Variants in CLIP4 observed in about 807,000 individuals in gnomAD.
The protein encoded by CLIP4 is CAP-Gly domain containing linker protein family member 4, also known as CAP-Gly domain-containing linker protein 4.
In CLIP4, 47 loss-of-function variants were observed where a neutral mutation model predicts 73.1. The ratio of observed to expected loss-of-function variants is 0.64; its 90% CI spans 0.51 to 0.82. CLIP4 has a LOEUF of 0.82. Among genes scored for constraint, CLIP4 ranks in the 40% least tolerant of loss-of-function variants. CLIP4 has a pLI of 0.00. For synonymous variants in CLIP4, 306 were observed against 295.4 expected, an observed-to-expected ratio of 1.04 and a Z score of -0.37; for missense variants, 874 against 852.9, an observed-to-expected ratio of 1.02 and a Z score of -0.31.
At chr2:29,178,571 T>C (rs1394518978) in intron 15 of CLIP4, among the ~76,000 whole-genome samples, 1 of 152,200 alleles carries the variant, frequency 6.6e-6, no homozygotes, top group Non-Finnish European at 1.5e-5. Context: ...CATATTCCCA[T>C]ATTGTTTAAT....
intron 15 of CLIP4, among the ~76,000 whole-genome samples, chr2:29,174,906 G>C (rs143538925): frequency 9.2e-5 from 14 of 152,136 alleles, no homozygotes; most frequent in African/African-American, 3.4e-4. Context: ...TTGTTGCAGA[G>C]AGAATGCCCT....
At chr2:29,175,950 A>T (rs1169854843) in intron 15 of CLIP4, among the ~76,000 whole-genome samples, 1 of 152,046 alleles carries the variant, frequency 6.6e-6, no homozygotes, top group Non-Finnish European at 1.5e-5. Context: ...TTTAGTAGAG[A>T]CGGGATTTCA....
intron 5 of CLIP4, among the ~76,000 whole-genome samples, chr2:29,135,105 T>C (rs1318552963): frequency 6.6e-6 from 1 of 152,130 alleles, no homozygotes; most frequent in African/African-American, 2.4e-5. Flanking sequence ...TGTGCCTGTG[T>C]TCTAATAAAA....
At chr2:29,132,806 A>G (rs1665071465) in intron 4 of CLIP4, among the ~76,000 whole-genome samples, 1 of 152,194 alleles carries the variant, frequency 6.6e-6, no homozygotes, top group Non-Finnish European at 1.5e-5. Flanking sequence ...CTCATCATGA[A>G]CTGATACTTT....
At chr2:29,100,377 TAAG>T (rs1173872978) in intron 1 of CLIP4, among the ~76,000 whole-genome samples, 1 of 152,210 alleles carries the variant, frequency 6.6e-6, no homozygotes, top group Non-Finnish European at 1.5e-5. Flanking sequence ...ACTTTATTTT[TAAG>T]TTTATAGAAA....
At chr2:29,125,741 G>A (rs2148473315) in intron 2 of CLIP4, among the ~76,000 whole-genome samples, 1 of 152,202 alleles carries the variant, frequency 6.6e-6, no homozygotes, top group East Asian at 1.9e-4. Flanking sequence ...AACATCCCGT[G>A]TCTTGAAAAC....
chr2:29,153,508 C>G (rs1336452183), intron 9 of CLIP4, among the ~76,000 whole-genome samples: 3 of 150,620 alleles, frequency 2.0e-5, no homozygotes, highest in Non-Finnish European at 4.4e-5. Flanking sequence ...CTTTTTTTAT[C>G]CATACCACCC....
intron 1 of CLIP4, among the ~76,000 whole-genome samples, chr2:29,099,373 T>C (rs1667972921): frequency 6.6e-6 from 1 of 151,232 alleles, no homozygotes; most frequent in African/African-American, 2.4e-5. Context: ...TTTGAGTTAA[T>C]TTTTGTAAAA....
chr2:29,165,124 G>A (rs3112921), intron 13 of CLIP4, among the ~76,000 whole-genome samples: 138,837 of 152,230 alleles, frequency 0.91, 63,423 homozygotes, highest in East Asian at 1. Flanking sequence ...ATGAAGAAAC[G>A]GGTTTCAAAG....
intron 1 of CLIP4, among the ~76,000 whole-genome samples, chr2:29,102,973 CT>C (rs1668094686): frequency 6.6e-6 from 1 of 152,110 alleles, no homozygotes; most frequent in South Asian, 2.1e-4. Context: ...CTCCCTAAAA[CT>C]CCCCCATATA....
rs1199625344 is a variant in CLIP4, at chr2:29,156,392, A to G, written c.1204A>G (p.Thr402Ala). 2 of 1,589,318 alleles carry G rather than the reference A, an allele frequency of 1.3e-6. No individual in the cohort carries two copies. The highest frequency in any genetic ancestry group is 1.7e-6 in the Non-Finnish European group (2 of 1,174,210). The change falls in exon 10 of 16, where the codon ACA (threonine) becomes GCA (alanine). Residue 402 changes from threonine (T) to alanine (A), a missense_variant. By Grantham distance (58) the Thr-to-Ala change is moderately conservative. Coordinates refer to ENST00000320081, the MANE Select transcript of CLIP4 (RefSeq NM_024692.6). The stretch of plus-strand genomic sequence containing the variant: ...AAAAAAAGATAGTGCTTCTGAGTCA[A>G]CACTTTCATTGCCTCCTGGTGAAGA... ...TSKKDSASES[T>A]LSLPPGEELK...
At chr2:29,116,866 G>A (rs1663890800) in intron 1 of CLIP4, among the ~76,000 whole-genome samples, 1 of 152,160 alleles carries the variant, frequency 6.6e-6, no homozygotes. Flanking sequence ...ACCACATACA[G>A]TCCCACCAGC....
chr2:29,120,775 C>T (rs1299967589), intron 1 of CLIP4, among the ~76,000 whole-genome samples: 15 of 152,072 alleles, frequency 9.9e-5, no homozygotes, highest in Admixed American at 9.8e-4. Flanking sequence ...GTAATATAAG[C>T]CATGTGCTTT....
At chr2:29,145,122 T>G in intron 7 of CLIP4, 110 bp from the exon 8 acceptor site, 1 of 860,978 alleles carries the variant, frequency 1.2e-6, no homozygotes, top group Non-Finnish European at 1.7e-6. Context: ...AAAATTCACT[T>G]TGAGAGAGTG....
intron 1 of CLIP4, chr2:29,118,259 C>T (rs1664006933): frequency 6.6e-6 from 1 of 152,320 alleles, no homozygotes; most frequent in African/African-American, 2.4e-5. Context: ...TTTATGGGGT[C>T]CAGACAGTCC....
chr2:29,156,500 A>G (rs1666933331), intron 10 of CLIP4, 57 bp downstream of exon 10: 9 of 1,248,098 alleles, frequency 7.2e-6, no homozygotes, highest in Non-Finnish European at 1.0e-5. Context: ...GAACTTTAAA[A>G]TATGGTAGGA....
chr2:29,105,558 C>A (rs1668176053), intron 1 of CLIP4, among the ~76,000 whole-genome samples: 1 of 152,196 alleles, frequency 6.6e-6, no homozygotes, highest in Non-Finnish European at 1.5e-5. Flanking sequence ...ACATTCAAGG[C>A]CATTCCTGGC....
chr2:29,131,213 T>G, intron 2 of CLIP4, 45 bp from the exon 3 acceptor site: 2 of 1,413,138 alleles, frequency 1.4e-6, no homozygotes, highest in South Asian at 2.6e-5. Context: ...AATATATTTA[T>G]TTGAAACTTT....
Position 29,160,405 on chromosome 2 carries a change from T to A in CLIP4, c.1472T>A (p.Val491Glu). The A allele has an allele frequency of 6.2e-7, 1 of 1,613,518 alleles. No individual in the cohort carries two copies. The highest frequency in any genetic ancestry group is 8.5e-7 in the Non-Finnish European group (1 of 1,179,892). ...GGGGAACTCCGCCTCGGAGAGAGAG[T>A]GTTAGTGGTAGGACAGAGACTGGGC... Reference protein sequence around the residue: ...CEGELRLGERVLVVGQRLGTI... With the variant: ...CEGELRLGERELVVGQRLGTI... Residue 491 changes from valine (V) to glutamate (E), a missense_variant, in exon 12 of 16, where the codon GTG becomes GAG. Transcript: ENST00000320081.
Sources: allele counts gnomAD v4.1 joint callset (sites outside exome capture counted in the v4.1 genomes callset), GRCh38; gene constraint gnomAD v4.1.1; transcripts MANE v1.5; gene names NCBI Gene and HGNC (gene_info 2026-07-23, HGNC 2026-07-21).